The following ARHGEF18 variants were observed in gnomAD, a reference collection of about 807,000 sequenced individuals.
ARHGEF18 encodes Rho/Rac guanine nucleotide exchange factor 18.
ARHGEF18 carries 93 observed loss-of-function variants against 155.7 expected under a neutral mutation model. The ratio of observed to expected loss-of-function variants is 0.60; its 90% CI spans 0.50 to 0.71. The LOEUF (loss-of-function observed/expected upper bound fraction) is 0.71. Among genes scored for constraint, ARHGEF18 ranks in the 30% least tolerant of loss-of-function variants. The pLI is 0.00. For synonymous variants in ARHGEF18, 742 were observed against 753.1 expected (o/e 0.99, Z 0.24); for missense variants, 1,593 against 1,816.1 (o/e 0.88, Z 2.23).
In ARHGEF18 at chr19:7,469,026, C is replaced by T. The variant is rs1976846206; in HGVS notation, c.3682C>T (p.Gln1228Ter). The change falls in exon 27 of 29, where the codon CAG becomes TAG. Residue 1228 changes from glutamine (Q) to a stop codon, truncating the protein, a stop_gained. Transcript: ENST00000668164. LOFTEE classifies it high-confidence loss of function. Reference protein sequence around the residue: ...LLSATNQFQRQAAVQQQIPTK... With the variant: ...LLSATNQFQR The stretch of plus-strand genomic sequence containing the variant: ...CAGCGCCACCAACCAGTTCCAGAGG[C>T]AGGCGGCCGTGCAGCAGCAGATCCC... The T allele has an allele frequency of 6.2e-7, 1 of 1,600,422 alleles. No homozygotes were observed. The highest frequency in any genetic ancestry group is 8.5e-7 in the Non-Finnish European group (1 of 1,174,844).
At chr19:7,361,431 C>G (rs556230889) in intron 1 of ARHGEF18, among the ~76,000 whole-genome samples, 5 of 152,152 alleles carry the variant, frequency 3.3e-5, no homozygotes, top group Middle Eastern at 3.4e-3. Flanking sequence ...GAGTGAGGCT[C>G]TATCTCAAAA....
At position 7,467,274 on chromosome 19, in the gene ARHGEF18, G is replaced by A; in HGVS notation, c.3070G>A (p.Glu1024Lys). The A allele has an allele frequency of 6.4e-7, 1 of 1,557,276 alleles. No individual in the cohort carries two copies. The highest frequency in any genetic ancestry group is 8.7e-7 in the Non-Finnish European group (1 of 1,153,970). The change falls in exon 26 of 29, where the codon GAG (glutamate) becomes AAG (lysine). Residue 1024 changes from glutamate to lysine, a missense_variant. Transcript: ENST00000668164. ...ETQRAAIQER[E>K]KQFRLQSTRG... Reference sequence around the variant, plus strand: ...GCAGCGGGCTGCCATCCAGGAGCGGGAGAAGCAGTTCCGGCTGCAGTCGAC... The same window carrying A: ...GCAGCGGGCTGCCATCCAGGAGCGGAAGAAGCAGTTCCGGCTGCAGTCGAC...
chr19:7,471,042 C>G lies in ARHGEF18; in HGVS notation c.*744C>G, dbSNP rs1259342897. ...ATTGGTTTTGAAACCAGCTGTTTCC[C>G]AAACTCTGCTTCCCAAGGGCAACCG... On this transcript the variant is annotated 3_prime_UTR_variant, in exon 29 of 29. Coordinates refer to ENST00000668164, the MANE Select transcript of ARHGEF18 (RefSeq NM_001367823.1). The surrounding 1 kb of genome is among the most constrained non-coding windows in gnomAD (Gnocchi z 4.4). 2.6e-6 allele frequency: 1 copy of G among 378,856 alleles called. No homozygotes were observed. The highest frequency in any genetic ancestry group is 3.8e-5 in the East Asian group (1 of 26,548). 23.5% of individuals were successfully genotyped at this position (378,856 alleles called of 1,614,324 possible).
chr19:7,429,077 C>T (rs979422657), intron 10 of ARHGEF18, among the ~76,000 whole-genome samples: 1 of 152,238 alleles, frequency 6.6e-6, no homozygotes, highest in African/African-American at 2.4e-5. Context: ...GGCCCCACAG[C>T]TGGCCAGATA....
chr19:7,468,762 G>A, intron 26 of ARHGEF18, 63 bp from the exon 27 acceptor site: 3 of 1,461,420 alleles, frequency 2.1e-6, no homozygotes, highest in Non-Finnish European at 2.7e-6. Flanking sequence ...CGACCCTCGG[G>A]GGCTCTCCAG....
chr19:7,396,618 G>A (rs1971723946), intron 10 of ARHGEF18, among the ~76,000 whole-genome samples: 1 of 152,008 alleles, frequency 6.6e-6, no homozygotes, highest in Non-Finnish European at 1.5e-5. Flanking sequence ...TGGAGGCTGA[G>A]GCAGGGGAAT....
chr19:7,394,945 C>T, intron 10 of ARHGEF18: 2 of 621,034 alleles, frequency 3.2e-6, no homozygotes, highest in Non-Finnish European at 4.0e-6. Flanking sequence ...AGCACCCTCC[C>T]ACTTCGGTGC....
intron 10 of ARHGEF18, among the ~76,000 whole-genome samples, chr19:7,399,531 G>A (rs904440129): frequency 6.6e-6 from 1 of 151,112 alleles, no homozygotes; most frequent in Non-Finnish European, 1.5e-5. Context: ...CCCCAGCCTG[G>A]AGTGCAGTGG....
intron 10 of ARHGEF18, chr19:7,383,439 C>G (rs1386855039): frequency 2.4e-6 from 1 of 409,230 alleles, no homozygotes; most frequent in Non-Finnish European, 4.2e-6. Context: ...TGTGGGAATC[C>G]TCCTGCAGCA....
chr19:7,467,111 A>G lies in ARHGEF18; in HGVS notation c.3002A>G (p.Asn1001Ser). Residue 1001 changes from asparagine to serine, a missense_variant, in exon 25 of 29, where the codon AAC (asparagine) becomes AGC (serine). Asn to Ser is a conservative substitution (Grantham distance 46, BLOSUM62 1). Coordinates refer to ENST00000668164, the MANE Select transcript of ARHGEF18 (RefSeq NM_001367823.1). ...CAGACACTGTCCCAGCTGCTCCTGAACCTTCAGGTACAGGGGCGGGGTGGG... is the reference window on the plus strand; with the variant it reads ...CAGACACTGTCCCAGCTGCTCCTGAGCCTTCAGGTACAGGGGCGGGGTGGG... ...RIQTLSQLLL[N>S]LQAVIAHQDS... 6.2e-7 allele frequency: 1 copy of G among 1,600,400 alleles called. No homozygotes were observed. The highest frequency in any genetic ancestry group is 1.1e-5 in the South Asian group (1 of 90,364).
At chr19:7,473,216 A>C (rs1331815324), downstream of ARHGEF18, 2 of 456,102 alleles carry the variant, frequency 4.4e-6, no homozygotes, top group African/African-American at 4.0e-5. Context: ...CTGCTGTTTC[A>C]ACAGAGGGTT....
intron 10 of ARHGEF18, among the ~76,000 whole-genome samples, chr19:7,408,805 G>T (rs1260656912): frequency 6.6e-6 from 1 of 152,172 alleles, no homozygotes; most frequent in African/African-American, 2.4e-5. Flanking sequence ...ACTTTGGGAG[G>T]CTAAGGCGGG....
chr19:7,361,922 G>A (rs1568264021), intron 1 of ARHGEF18, among the ~76,000 whole-genome samples: 1 of 151,618 alleles, frequency 6.6e-6, no homozygotes, highest in Non-Finnish European at 1.5e-5. Context: ...AACTCGGGAG[G>A]CGGAGGTTGT....
rs60457716 is a variant in ARHGEF18, at chr19:7,355,068, T to TCACACA, written c.-111+5868_-111+5873dup. On this transcript the variant is annotated intron_variant, in intron 1 of 28. Coordinates refer to ENST00000668164, the MANE Select transcript of ARHGEF18 (RefSeq NM_001367823.1). ...CTGACCTCACGGATACCAATGGGCTTCACACACACACACACACACACACAC... is the reference window on the plus strand; with the variant it reads ...CTGACCTCACGGATACCAATGGGCTTCACACACACACACACACACACACACACACAC... 4.2e-4 allele frequency among the ~76,000 whole-genome samples: 61 copies of TCACACA among 146,652 alleles called. 1 individual carries two copies. The highest frequency in any genetic ancestry group is 8.1e-4 in the East Asian group (4 of 4,918).
intron 10 of ARHGEF18, among the ~76,000 whole-genome samples, chr19:7,435,415 G>A (rs1051792712): frequency 6.6e-6 from 1 of 152,102 alleles, no homozygotes; most frequent in Admixed American, 6.6e-5. Context: ...GGCCACATGG[G>A]GAAGCACCAG....
In ARHGEF18 at chr19:7,440,005, AAGACGC is replaced by A. The variant is rs1314575440; in HGVS notation, c.968-336_968-331del. 6.5e-7 allele frequency: 1 copy of A among 1,550,080 alleles called. No individual in the cohort carries two copies. The highest frequency in any genetic ancestry group is 1.2e-5 in the South Asian group (1 of 83,966). The stretch of plus-strand genomic sequence containing the variant: ...GCTGCTTCAGCCAATACAGCAAGGG[AAGACGC>A]AGCTCTGTTTTCTAGAAGGATCCCA... On this transcript the variant is annotated intron_variant, in intron 10 of 28. Transcript: ENST00000668164. This position sits in a 1 kb window ranked among gnomAD's most constrained non-coding sequence, Gnocchi z 5.4.
At chr19:7,359,570 A>G (rs187295621) in intron 1 of ARHGEF18, among the ~76,000 whole-genome samples, 6 of 152,272 alleles carry the variant, frequency 3.9e-5, no homozygotes, top group Non-Finnish European at 8.8e-5. Context: ...ATCAGGGATC[A>G]ATATATGACA....
Position 7,350,521 on chromosome 19 carries a change from T to G in ARHGEF18, c.-111+1280T>G, listed in dbSNP as rs146701739. Among the ~76,000 whole-genome samples the G allele has an allele frequency of 5.5e-3, 839 of 152,274 alleles. 6 individuals carry two copies. The highest frequency in any genetic ancestry group is 0.019 in the African/African-American group (801 of 41,558). On this transcript the variant is annotated intron_variant, in intron 1 of 28. Transcript: ENST00000668164. ...CCTTGAAGAACCAGTAGATGGCAAC[T>G]GCAAACACGTCGGTGCTTCTGGTCT...
rs552127954 is a variant in ARHGEF18, at chr19:7,454,028, C to T, written c.2104+313C>T. Among the ~76,000 whole-genome samples the T allele has an allele frequency of 2.7e-5, 4 of 148,836 alleles. No homozygotes were observed. The South Asian group carries it at 8.6e-4, about 32-fold the overall frequency. ...CACCATCTTGGGAGTTGTGGGTGCCCTCTTAGAGTGATGGGTGCCATCTTG... is the reference window on the plus strand; with the variant it reads ...CACCATCTTGGGAGTTGTGGGTGCCTTCTTAGAGTGATGGGTGCCATCTTG... On this transcript the variant is annotated intron_variant, in intron 17 of 28. Transcript: ENST00000668164.
Sources: gnomAD v4.1 joint callset for allele counts (sites outside exome capture counted in the v4.1 genomes callset) on GRCh38, gnomAD v4.1.1 for gene constraint, Gnocchi (gnomAD v3.1) non-coding constraint, MANE v1.5 for transcripts, NCBI Gene and HGNC (gene_info 2026-07-23, HGNC 2026-07-21) for gene names.